MYPN: variants seen among roughly 807,000 people sequenced by gnomAD.
The protein encoded by MYPN is sarcomeric protein myopalladin, 145 kDa (MYOP).
In MYPN, 63 loss-of-function variants were observed where a neutral mutation model predicts 129.4. That is an observed-to-expected ratio of 0.49 (90% CI 0.40 to 0.60). The LOEUF (loss-of-function observed/expected upper bound fraction) is 0.60. MYPN is among the 20% of genes least tolerant of loss of function. MYPN has a pLI of 0.00. For missense variants in MYPN, 1,596 were observed against 1,635.4 expected (o/e 0.98, Z 0.42); for synonymous variants, 629 against 600.9 (o/e 1.05, Z -0.68).
chr10:68,140,120 G>C (rs1235896411), intron 2 of MYPN, among the ~76,000 whole-genome samples: 4 of 152,162 alleles, frequency 2.6e-5, no homozygotes, highest in African/African-American at 9.7e-5. Context: ...GTAAAGGTCT[G>C]GGGGAGGAGG....
At chr10:68,132,920 C>G (rs2042431542) in intron 2 of MYPN, among the ~76,000 whole-genome samples, 1 of 151,944 alleles carries the variant, frequency 6.6e-6, no homozygotes, top group South Asian at 2.1e-4. Flanking sequence ...AAAAGGGCAT[C>G]ATCATCCCAA....
rs963880785 is a variant in MYPN at position 68,208,743 on chromosome 10, T to C, written c.3794-1543T>C. ...CTGTTTCCTCAGTTGGGACCTAGGATGGAGGACGCGTGGAGGACTTGGGCT... is the reference window on the plus strand; with the variant it reads ...CTGTTTCCTCAGTTGGGACCTAGGACGGAGGACGCGTGGAGGACTTGGGCT... On this transcript the variant is annotated intron_variant, in intron 19 of 19. Transcript: ENST00000358913. Among the ~76,000 whole-genome samples the C allele has an allele frequency of 2.6e-5, 4 of 152,152 alleles. No homozygotes were observed. The South Asian group carries it at 8.3e-4, about 32-fold the overall frequency.
chr10:68,156,416 G>A (rs2042874717), intron 6 of MYPN, among the ~76,000 whole-genome samples: 2 of 152,152 alleles, frequency 1.3e-5, no homozygotes, highest in Non-Finnish European at 2.9e-5. Flanking sequence ...GTTAGTAGAT[G>A]TTTCGGGAAG....
intron 18 of MYPN, 78 bp from the exon 19 acceptor site, chr10:68,206,692 T>C: frequency 6.2e-7 from 1 of 1,601,156 alleles, no homozygotes; most frequent in Non-Finnish European, 8.6e-7. Flanking sequence ...AGTTCCCCCT[T>C]CTTCCTGGAA....
chr10:68,108,846 T>C (rs751199738), upstream of MYPN, among the ~76,000 whole-genome samples: 2 of 152,132 alleles, frequency 1.3e-5, no homozygotes, highest in Non-Finnish European at 2.9e-5. Context: ...CGCAGCCTCC[T>C]GAGTAGCTGA....
chr10:68,125,838 C>CTAG (rs1356825600), intron 2 of MYPN, among the ~76,000 whole-genome samples: 1 of 152,142 alleles, frequency 6.6e-6, no homozygotes, highest in South Asian at 2.1e-4. Flanking sequence ...CAATTGTGAG[C>CTAG]TAGTGGAGGT....
intron 8 of MYPN, among the ~76,000 whole-genome samples, chr10:68,165,269 T>C (rs1410155028): frequency 6.6e-6 from 1 of 152,190 alleles, no homozygotes; most frequent in Non-Finnish European, 1.5e-5. Context: ...TCTGCCAACA[T>C]GGCAAAACCC....
At chr10:68,119,004 TC>T (rs1364406360) in intron 1 of MYPN, among the ~76,000 whole-genome samples, 2 of 151,408 alleles carry the variant, frequency 1.3e-5, no homozygotes, top group South Asian at 2.1e-4. Context: ...GCACTTAATT[TC>T]CCCCCCATCT....
intron 10 of MYPN, among the ~76,000 whole-genome samples, chr10:68,169,168 A>C (rs2043102605): frequency 7.9e-6 from 1 of 127,380 alleles, no homozygotes; most frequent in Non-Finnish European, 1.6e-5. Flanking sequence ...ACACGGTGAA[A>C]CTCCGTCTCT....
chr10:68,108,782 C>T (rs2042042909), upstream of MYPN, among the ~76,000 whole-genome samples: 1 of 152,028 alleles, frequency 6.6e-6, no homozygotes, highest in Non-Finnish European at 1.5e-5. Context: ...AATGCAGTAG[C>T]GTGATCTCGG....
intron 12 of MYPN, among the ~76,000 whole-genome samples, chr10:68,178,108 G>A (rs1190760849): frequency 6.6e-6 from 1 of 152,262 alleles, no homozygotes; most frequent in East Asian, 1.9e-4. Context: ...TGATAGTTCA[G>A]TCTTTGCCTT....
rs759719729 is a variant in MYPN at position 68,211,252 on chromosome 10, G to A, written c.*797G>A. 8 of 453,824 alleles carry A rather than the reference G, an allele frequency of 1.8e-5. No individual in the cohort carries two copies. The highest frequency in any genetic ancestry group is 3.5e-5 in the Non-Finnish European group (8 of 226,768). 28.1% of individuals were successfully genotyped at this position (453,824 alleles called of 1,614,324 possible). A position where few individuals can be genotyped will look rare whatever the true frequency, so the allele number is the denominator to read the frequency against. On this transcript the variant is annotated 3_prime_UTR_variant, in exon 20 of 20. Coordinates refer to ENST00000358913, the MANE Select transcript of MYPN (RefSeq NM_032578.4). Reference sequence around the variant, plus strand: ...ACCAATCAGAAAGAAATCCTCTGTGGGGTCACTTTAAAAACTACTAGCTTC... The same window carrying A: ...ACCAATCAGAAAGAAATCCTCTGTGAGGTCACTTTAAAAACTACTAGCTTC...
chr10:68,174,760 A>T, intron 11 of MYPN, 104 bp downstream of exon 11: 1 of 1,066,952 alleles, frequency 9.4e-7, no homozygotes, highest in Non-Finnish European at 1.4e-6. Flanking sequence ...GGATTCCTAG[A>T]TAATCTTATT....
rs112518450 is a variant in MYPN, at chr10:68,142,989, G to A, written c.952G>A (p.Val318Ile). 443 of 1,613,968 alleles carry A rather than the reference G, an allele frequency of 2.7e-4. No homozygotes were observed. Among genetic ancestry groups the A allele is most frequent in the Admixed American group, 3.8e-4 (23 of 59,998 alleles). Reference protein sequence around the residue: ...ELENSPDIHIVQAGNLHSLTI... With the variant: ...ELENSPDIHIIQAGNLHSLTI... Reference sequence around the variant, plus strand: ...TGAAAATTCCCCAGATATTCACATCGTCCAGGCAGGAAATCTGCACTCACT... The same window carrying A: ...TGAAAATTCCCCAGATATTCACATCATCCAGGCAGGAAATCTGCACTCACT... The change falls in exon 3 of 20, where the codon GTC becomes ATC. Residue 318 changes from valine to isoleucine, a missense_variant. Coordinates refer to ENST00000358913, the MANE Select transcript of MYPN (RefSeq NM_032578.4).
intron 2 of MYPN, among the ~76,000 whole-genome samples, chr10:68,124,366 T>C (rs1304422682): frequency 1.3e-5 from 2 of 152,236 alleles, no homozygotes; most frequent in Admixed American, 6.5e-5. Flanking sequence ...TAGAATATGA[T>C]TTCATTACTA....
chr10:68,098,260 C>G (rs78352151), intron 1 of MYPN, among the ~76,000 whole-genome samples: 12 of 151,650 alleles, frequency 7.9e-5, no homozygotes, highest in Non-Finnish European at 1.6e-4. Flanking sequence ...AAAAAGATCT[C>G]AATTTTACTA....
chr10:68,107,943 A>G (rs1443482752), upstream of MYPN, among the ~76,000 whole-genome samples: 7 of 152,250 alleles, frequency 4.6e-5, no homozygotes, highest in Non-Finnish European at 1.0e-4. Context: ...AGCAGCACTT[A>G]ACATTGATTA....
At position 68,174,806 on chromosome 10, in the gene MYPN, A is replaced by C. The variant is rs960892559; in HGVS notation, c.2564+150A>C. ...CAGAATGGATGTGGAACACTTCAGGACAAAGGGGATGATTACTTTGAATGA... is the reference window on the plus strand; with the variant it reads ...CAGAATGGATGTGGAACACTTCAGGCCAAAGGGGATGATTACTTTGAATGA... On this transcript the variant is annotated intron_variant, in intron 11 of 19. Coordinates refer to ENST00000358913, the MANE Select transcript of MYPN (RefSeq NM_032578.4). 8 of 767,734 alleles carry C rather than the reference A, an allele frequency of 1.0e-5. No individual in the cohort carries two copies. The African/African-American group carries it at 1.4e-4, about 13-fold the overall frequency. 47.6% of individuals were successfully genotyped at this position (767,734 alleles called of 1,614,324 possible). A position where few individuals can be genotyped will look rare whatever the true frequency, so the allele number is the denominator to read the frequency against.
rs1462484291 is a variant in MYPN at position 68,211,687 on chromosome 10, T to C, written c.*1232T>C. On this transcript the variant is annotated 3_prime_UTR_variant, in exon 20 of 20. Transcript: ENST00000358913. The stretch of plus-strand genomic sequence containing the variant: ...GCACAAAGTAGACATTCAATAAATA[T>C]TTGCTGGTTGAATGAATCTTCTGTT... 1 of 454,078 alleles carries C rather than the reference T, an allele frequency of 2.2e-6. No homozygotes were observed. The highest frequency in any genetic ancestry group is 4.4e-6 in the Non-Finnish European group (1 of 226,786). 28.1% of individuals were successfully genotyped at this position (454,078 alleles called of 1,614,324 possible).
Sources: gnomAD v4.1 joint callset for allele counts (sites outside exome capture counted in the v4.1 genomes callset) on GRCh38, gnomAD v4.1.1 for gene constraint, MANE v1.5 for transcripts, NCBI Gene and HGNC (gene_info 2026-07-23, HGNC 2026-07-21) for gene names.